Variants in MAML2 observed in about 807,000 individuals in gnomAD.
MAML2 encodes the protein mastermind-like protein 2.
A neutral mutation model predicts 96.1 loss-of-function variants in MAML2; 22 were observed. The ratio of observed to expected loss-of-function variants is 0.23; its 90% CI spans 0.16 to 0.33. The LOEUF (loss-of-function observed/expected upper bound fraction) is 0.33. MAML2 is among the 10% of genes least tolerant of loss of function. MAML2 has a pLI of 1.00. For missense variants in MAML2, 1,367 were observed against 1,392.4 expected (o/e 0.98, Z 0.29); for synonymous variants, 561 against 521.3 (o/e 1.08, Z -1.04).
At chr11:96,181,648 T>C (rs1384683178) in intron 1 of MAML2, among the ~76,000 whole-genome samples, 1 of 152,166 alleles carries the variant, frequency 6.6e-6, no homozygotes, top group East Asian at 1.9e-4. Flanking sequence ...TGACATCATA[T>C]AGAAGAATGG....
chr11:96,018,000 G>A (rs940181581), intron 2 of MAML2, among the ~76,000 whole-genome samples: 9 of 152,168 alleles, frequency 5.9e-5, no homozygotes, highest in Admixed American at 4.6e-4. Context: ...TAGTTTGTAC[G>A]GAGAAAGAAG....
chr11:96,166,345 G>A (rs1565235146), intron 1 of MAML2, among the ~76,000 whole-genome samples: 1 of 152,210 alleles, frequency 6.6e-6, no homozygotes, highest in Non-Finnish European at 1.5e-5. Context: ...TAAAGGATAA[G>A]TGTGATCATG....
chr11:96,159,535 C>T (rs994488174), intron 1 of MAML2, among the ~76,000 whole-genome samples: 1 of 151,612 alleles, frequency 6.6e-6, no homozygotes, highest in African/African-American at 2.4e-5. Flanking sequence ...ACGCCACTCT[C>T]CCGCCTCAGC....
intron 2 of MAML2, among the ~76,000 whole-genome samples, chr11:96,014,766 C>G (rs1858316749): frequency 6.6e-6 from 1 of 152,152 alleles, no homozygotes; most frequent in Non-Finnish European, 1.5e-5. Flanking sequence ...AGTCTTAGAA[C>G]AAAGACTTAA....
chr11:96,012,951 T>C (rs776503377), intron 2 of MAML2, among the ~76,000 whole-genome samples: 16 of 152,376 alleles, frequency 1.1e-4, no homozygotes, highest in South Asian at 6.2e-4. Flanking sequence ...GTCTTTTTTA[T>C]GACCTGTCTG....
At chr11:96,261,324 C>G (rs1053328309) in intron 1 of MAML2, among the ~76,000 whole-genome samples, 21 of 152,136 alleles carry the variant, frequency 1.4e-4, no homozygotes, top group African/African-American at 5.1e-4. Flanking sequence ...AGCCCCTCAA[C>G]CTTGGACCTC....
At chr11:96,125,467 C>T (rs1200884658) in intron 1 of MAML2, among the ~76,000 whole-genome samples, 1 of 152,146 alleles carries the variant, frequency 6.6e-6, no homozygotes, top group Non-Finnish European at 1.5e-5. Context: ...AGACAAACGT[C>T]AGTTTTACAA....
At chr11:96,277,094 G>A (rs994996112) in intron 1 of MAML2, among the ~76,000 whole-genome samples, 1 of 152,174 alleles carries the variant, frequency 6.6e-6, no homozygotes, top group Non-Finnish European at 1.5e-5. Context: ...TATATTTAAA[G>A]TGTCAGTTCA....
At chr11:96,264,213 C>G (rs1472795200) in intron 1 of MAML2, among the ~76,000 whole-genome samples, 2 of 152,132 alleles carry the variant, frequency 1.3e-5, no homozygotes, top group African/African-American at 4.8e-5. Context: ...TTGTAAAGCC[C>G]CCTCACAAAC....
At chr11:96,142,324 G>C (rs1174367314) in intron 1 of MAML2, among the ~76,000 whole-genome samples, 1 of 152,196 alleles carries the variant, frequency 6.6e-6, no homozygotes, top group Non-Finnish European at 1.5e-5. Flanking sequence ...GAAGGGGCTA[G>C]AGTTCCCATC....
intron 1 of MAML2, among the ~76,000 whole-genome samples, chr11:96,150,605 A>G (rs1314035018): frequency 6.6e-6 from 1 of 152,224 alleles, no homozygotes; most frequent in East Asian, 1.9e-4. Context: ...GGGCAGGGAC[A>G]TGCTCAAAGC....
chr11:96,266,927 C>T (rs117982653), intron 1 of MAML2, among the ~76,000 whole-genome samples: 5,036 of 152,172 alleles, frequency 0.033, 127 homozygotes, highest in Non-Finnish European at 0.047. Flanking sequence ...TAAAACATAA[C>T]GTTATTGAGA....
At position 95,979,353 on chromosome 11, in the gene MAML2, T is replaced by C. The variant is rs200294744; in HGVS notation, c.3066A>G (p.Pro1022=). ...GGTTCATGGGTCTCATTTGCACTGCTGGTGTTAACTGGTTAGGAGGAGCCA... is the reference window on the plus strand; with the variant it reads ...GGTTCATGGGTCTCATTTGCACTGCCGGTGTTAACTGGTTAGGAGGAGCCA... ...RAVAPPNQLT[P]AVQMRPMNQM... Residue 1022 remains proline (P), a synonymous_variant, in exon 5 of 5, where the codon CCA becomes CCG. Transcript: ENST00000524717. The C allele has an allele frequency of 3.7e-6, 6 of 1,613,872 alleles. No homozygotes were observed. The East Asian group carries it at 1.1e-4, about 30-fold the overall frequency.
chr11:96,174,092 C>T (rs1333183577), intron 1 of MAML2, among the ~76,000 whole-genome samples: 1 of 152,196 alleles, frequency 6.6e-6, no homozygotes, highest in East Asian at 1.9e-4. Flanking sequence ...ATGGCCTGTC[C>T]TCCCATCCCA....
rs550712272 is a variant in MAML2 at position 96,046,909 on chromosome 11, T to C, written c.2139+44983A>G. Among the ~76,000 whole-genome samples the C allele has an allele frequency of 6.6e-5, 10 of 152,356 alleles. No individual in the cohort carries two copies. The South Asian group carries it at 1.9e-3, about 28-fold the overall frequency. On this transcript the variant is annotated intron_variant, in intron 2 of 4. Transcript: ENST00000524717. ...ACTAAAGCTCTCTCAAAATGTTTAGTTGGCAGAATCATAGTCCCTACTTTC... is the reference window on the plus strand; with the variant it reads ...ACTAAAGCTCTCTCAAAATGTTTAGCTGGCAGAATCATAGTCCCTACTTTC...
intron 1 of MAML2, among the ~76,000 whole-genome samples, chr11:96,296,372 C>T (rs116119044): frequency 0.033 from 5,045 of 152,274 alleles, 123 homozygotes; most frequent in South Asian, 0.13. Context: ...AGGCCGAGCA[C>T]GGTGGCTCAC....
At chr11:96,074,547 G>A (rs1425823993) in intron 2 of MAML2, among the ~76,000 whole-genome samples, 2 of 152,264 alleles carry the variant, frequency 1.3e-5, no homozygotes, top group Non-Finnish European at 2.9e-5. Context: ...AAGATCCATG[G>A]TCAGTCCACA....
chr11:96,050,382 C>T (rs1370865011), intron 2 of MAML2, among the ~76,000 whole-genome samples: 1 of 152,166 alleles, frequency 6.6e-6, no homozygotes, highest in Non-Finnish European at 1.5e-5. Flanking sequence ...TATTATTCCA[C>T]TCTGGGACAT....
At chr11:96,158,988 A>G (rs1005726513) in intron 1 of MAML2, among the ~76,000 whole-genome samples, 1 of 152,198 alleles carries the variant, frequency 6.6e-6, no homozygotes, top group African/African-American at 2.4e-5. Context: ...CTAGTGGGGA[A>G]AGGGCTGCTT....
Sources: gnomAD v4.1 joint callset for allele counts (sites outside exome capture counted in the v4.1 genomes callset) on GRCh38, gnomAD v4.1.1 for gene constraint, MANE v1.5 for transcripts, NCBI Gene and HGNC (gene_info 2026-07-23, HGNC 2026-07-21) for gene names.